Variants in FNDC3B observed in about 807,000 individuals in gnomAD.
The protein encoded by FNDC3B is fibronectin type III domain containing 3B, also known as fibronectin type III domain-containing protein 3B.
FNDC3B carries 12 observed loss-of-function variants against 151.5 expected under a neutral mutation model. The ratio of observed to expected loss-of-function variants is 0.08; its 90% CI spans 0.05 to 0.13. The LOEUF (loss-of-function observed/expected upper bound fraction) is 0.13. Among genes scored for constraint, FNDC3B ranks in the 10% least tolerant of loss-of-function variants. The pLI is 1.00. For missense variants in FNDC3B, 1,214 were observed against 1,505.3 expected (o/e 0.81, Z 3.20); for synonymous variants, 528 against 549.0 (o/e 0.96, Z 0.54).
rs60867657 is a variant in FNDC3B at position 172,397,685 on chromosome 3, GAAAA to G, written c.*216_*219del. 6 of 310,214 alleles carry G rather than the reference GAAAA, an allele frequency of 1.9e-5. No individual in the cohort carries two copies. The highest frequency in any genetic ancestry group is 1.3e-4 in the African/African-American group (6 of 45,456). 19.2% of individuals were successfully genotyped at this position (310,214 alleles called of 1,614,324 possible). A position where few individuals can be genotyped will look rare whatever the true frequency, so the allele number is the denominator to read the frequency against. On this transcript the variant is annotated 3_prime_UTR_variant, in exon 26 of 26. Transcript: ENST00000415807. ...ACTGGATTTTTTTTTTTAAAAAAAAGAAAAAAAAAGAAGAAAAGTATACCAGATA... is the reference window on the plus strand; with the variant it reads ...ACTGGATTTTTTTTTTTAAAAAAAAGAAAAAGAAGAAAAGTATACCAGATA...
At chr3:172,129,756 A>G (rs963289852) in intron 2 of FNDC3B, among the ~76,000 whole-genome samples, 2 of 152,208 alleles carry the variant, frequency 1.3e-5, no homozygotes, top group African/African-American at 4.8e-5. Flanking sequence ...TTTGATTAGC[A>G]TGGTTCTTCT....
chr3:172,060,634 C>T (rs1396935377), intron 1 of FNDC3B, among the ~76,000 whole-genome samples: 3 of 152,114 alleles, frequency 2.0e-5, no homozygotes, highest in Non-Finnish European at 4.4e-5. Flanking sequence ...TGTCTAATTC[C>T]TCTGTTTGAC....
chr3:172,090,279 T>TTA (rs1718748953), intron 1 of FNDC3B, among the ~76,000 whole-genome samples: 1 of 152,176 alleles, frequency 6.6e-6, no homozygotes, highest in Non-Finnish European at 1.5e-5. Flanking sequence ...GCACATCTCC[T>TTA]AGCTCCTTAA....
chr3:172,221,419 T>C (rs1726273393), intron 3 of FNDC3B, among the ~76,000 whole-genome samples: 1 of 151,594 alleles, frequency 6.6e-6, no homozygotes. Flanking sequence ...TATCAAAGCA[T>C]GGTCCCTAGA....
intron 4 of FNDC3B, among the ~76,000 whole-genome samples, chr3:172,244,942 A>T (rs1727701512): frequency 6.6e-6 from 1 of 152,128 alleles, no homozygotes; most frequent in African/African-American, 2.4e-5. Context: ...TCACTTTTTT[A>T]AAATAAATCT....
chr3:172,217,346 A>G (rs757767719), intron 3 of FNDC3B, among the ~76,000 whole-genome samples: 95 of 152,314 alleles, frequency 6.2e-4, no homozygotes, highest in Non-Finnish European at 8.7e-4. Flanking sequence ...TTAGGTCATC[A>G]TGCCTGCTGT....
chr3:172,184,516 A>G (rs1371623910), intron 3 of FNDC3B: 4 of 152,232 alleles, frequency 2.6e-5, no homozygotes, highest in African/African-American at 9.6e-5. Flanking sequence ...AAAATAAATC[A>G]GTCCTAAAAA....
chr3:172,062,289 C>T (rs1264231460), intron 1 of FNDC3B, among the ~76,000 whole-genome samples: 1 of 151,836 alleles, frequency 6.6e-6, no homozygotes, highest in Non-Finnish European at 1.5e-5. Flanking sequence ...CCTAGTACCC[C>T]AATTTCTGCT....
At chr3:172,129,462 A>T (rs2108567424) in intron 2 of FNDC3B, among the ~76,000 whole-genome samples, 1 of 152,348 alleles carries the variant, frequency 6.6e-6, no homozygotes, top group African/African-American at 2.4e-5. Context: ...TAATGAGTAT[A>T]AAACAGAGTT....
intron 3 of FNDC3B, among the ~76,000 whole-genome samples, chr3:172,160,686 T>A (rs1722722292): frequency 6.6e-6 from 1 of 152,214 alleles, no homozygotes; most frequent in African/African-American, 2.4e-5. Flanking sequence ...TAAAGTATAC[T>A]CATCTATAAA....
At chr3:172,190,080 A>G (rs956791174) in intron 3 of FNDC3B, among the ~76,000 whole-genome samples, 1 of 152,142 alleles carries the variant, frequency 6.6e-6, no homozygotes, top group Non-Finnish European at 1.5e-5. Flanking sequence ...CTGCTTTCAG[A>G]TCCTCCACTC....
At chr3:172,068,970 T>C (rs560094239) in intron 1 of FNDC3B, among the ~76,000 whole-genome samples, 8 of 152,324 alleles carry the variant, frequency 5.3e-5, no homozygotes, top group Admixed American at 2.6e-4. Flanking sequence ...AGTTGTGGAC[T>C]TAGGGTTTGT....
At chr3:172,362,893 G>A in intron 23 of FNDC3B, 48 bp downstream of exon 23, 1 of 1,434,246 alleles carries the variant, frequency 7.0e-7, no homozygotes, top group South Asian at 1.2e-5. Context: ...GCTTTGGCTT[G>A]TGGGATGAAA....
rs1490825859 is a variant in FNDC3B at position 172,397,392 on chromosome 3, C to G, written c.3532C>G (p.Gln1178Glu). The change falls in exon 26 of 26, where the codon CAG becomes GAG. Residue 1178 changes from glutamine (Q) to glutamate (E), a missense_variant. By Grantham distance (29) the Gln-to-Glu change is conservative. Around this residue, in one of 7 missense-constraint regions of FNDC3B, gnomAD observed 284 missense variants for 392.4 expected, o/e 0.72. Transcript: ENST00000415807. Reference sequence around the variant, plus strand: ...GAAGAGCATGATGCCTACTGATGAACAGTTTGCAGCCATCATTGTGCTTGG... The same window carrying G: ...GAAGAGCATGATGCCTACTGATGAAGAGTTTGCAGCCATCATTGTGCTTGG... Reference protein sequence around the residue: ...KMKSMMPTDEQFAAIIVLGFA... With the variant: ...KMKSMMPTDEEFAAIIVLGFA... 1.9e-6 allele frequency: 3 copies of G among 1,613,974 alleles called. No homozygotes were observed. The highest frequency in any genetic ancestry group is 1.7e-5 in the Admixed American group (1 of 59,998).
At chr3:172,315,598 A>G (rs1313463103) in intron 11 of FNDC3B, among the ~76,000 whole-genome samples, 1 of 152,160 alleles carries the variant, frequency 6.6e-6, no homozygotes, top group Admixed American at 6.5e-5. Flanking sequence ...CTCCTTCAGG[A>G]GACACCCCAT....
At position 172,259,429 on chromosome 3, in the gene FNDC3B, C is replaced by T. The variant is rs76274618; in HGVS notation, c.790+7888C>T. ...TAGTTAGGGGCCGAGCGCACTTGAA[C>T]GCCTTGCAACTGTCTATGTGTGGGA... On this transcript the variant is annotated intron_variant, in intron 6 of 25. Transcript: ENST00000415807. Among the ~76,000 whole-genome samples, 143 of 152,292 alleles carry T rather than the reference C, an allele frequency of 9.4e-4. 2 individuals are homozygous for T. The East Asian group carries it at 0.017, about 18-fold the overall frequency.
chr3:172,042,079 TAAA>T (rs77399297), intron 1 of FNDC3B, among the ~76,000 whole-genome samples: 1 of 151,940 alleles, frequency 6.6e-6, no homozygotes, highest in Non-Finnish European at 1.5e-5. Flanking sequence ...TACTTTAAGA[TAAA>T]AAAAATTCAT....
intron 3 of FNDC3B, among the ~76,000 whole-genome samples, chr3:172,193,911 G>A (rs188448555): frequency 4.6e-5 from 7 of 152,222 alleles, no homozygotes; most frequent in African/African-American, 1.7e-4. Context: ...GGGTGAGCAG[G>A]CCAAATGTTA....
chr3:172,136,056 C>T (rs1338452025), intron 3 of FNDC3B, among the ~76,000 whole-genome samples: 3 of 152,154 alleles, frequency 2.0e-5, no homozygotes, highest in Non-Finnish European at 4.4e-5. Flanking sequence ...TGAGGCCTGT[C>T]GAAAAGTCAC....
Sources: gnomAD v4.1 joint callset for allele counts (sites outside exome capture counted in the v4.1 genomes callset) on GRCh38, gnomAD v4.1.1 for gene constraint, gnomAD v4.1.1 regional missense constraint, MANE v1.5 for transcripts, NCBI Gene and HGNC (gene_info 2026-07-23, HGNC 2026-07-21) for gene names.